The following CRISPLD2 variants were observed in gnomAD, a reference collection of about 807,000 sequenced individuals.
CRISPLD2 encodes cysteine rich secretory protein LCCL domain containing 2, also known as cysteine-rich secretory protein LCCL domain-containing 2.
CRISPLD2 carries 47 observed loss-of-function variants against 71.1 expected under a neutral mutation model. The ratio of observed to expected loss-of-function variants is 0.66; its 90% CI spans 0.52 to 0.84. The LOEUF (loss-of-function observed/expected upper bound fraction) is 0.84. CRISPLD2 is among the 40% of genes least tolerant of loss of function. The pLI, the probability that CRISPLD2 is intolerant of heterozygous loss-of-function variation, is 0.00. For synonymous variants in CRISPLD2, 317 were observed against 250.1 expected (o/e 1.27, Z -2.52); for missense variants, 830 against 651.1 (o/e 1.27, Z -2.99).
In CRISPLD2 at chr16:84,868,867, T is replaced by G; in HGVS notation, c.870T>G (p.Cys290Trp). 6.2e-7 allele frequency: 1 copy of G among 1,611,852 alleles called. No homozygotes were observed. ...CTCTCCTAGCCCAAGTCGTCAGATG[T>G]GACACCAAGATGAAGGACAGGTGCA... Reference protein sequence around the residue: ...AVNYMTQVVRCDTKMKDRCKG... With the variant: ...AVNYMTQVVRWDTKMKDRCKG... Residue 290 changes from cysteine (C) to tryptophan (W), a missense_variant, in exon 8 of 15, where the codon TGT (cysteine) becomes TGG (tryptophan). Coordinates refer to ENST00000262424, the MANE Select transcript of CRISPLD2 (RefSeq NM_031476.4).
In CRISPLD2 at chr16:84,889,303, T is replaced by C; in HGVS notation, c.1379T>C (p.Met460Thr). 6.2e-7 allele frequency: 1 copy of C among 1,614,116 alleles called. No homozygotes were observed. Among genetic ancestry groups the C allele is most frequent in the Non-Finnish European group, 8.5e-7 (1 of 1,180,008 alleles). Residue 460 changes from methionine to threonine, a missense_variant, in exon 14 of 15, where the codon ATG becomes ACG. Physicochemically the swap from Met to Thr is moderately conservative, Grantham distance 81 (BLOSUM62 -1). Coordinates refer to ENST00000262424, the MANE Select transcript of CRISPLD2 (RefSeq NM_031476.4). ...SNESGGDVDV[M>T]PVDKKKTYVG... ...GAGAGTGGGGGTGACGTGGACGTGA[T>C]GCCCGTGGATAAAAAGAAGACCTAC...
chr16:84,875,347 C>A (rs1397076185), intron 11 of CRISPLD2, among the ~76,000 whole-genome samples: 8 of 151,298 alleles, frequency 5.3e-5, no homozygotes, highest in Non-Finnish European at 1.2e-4. Flanking sequence ...TGCATGTAGC[C>A]CAGGACGACT....
At chr16:84,836,170 T>G (rs1916612658) in intron 1 of CRISPLD2, 1 of 152,220 alleles carries the variant, frequency 6.6e-6, no homozygotes. Flanking sequence ...ACAAATTTTG[T>G]GTTTAGATTG....
chr16:84,851,417 G>T (rs568991104), intron 5 of CRISPLD2, among the ~76,000 whole-genome samples: 1 of 152,334 alleles, frequency 6.6e-6, no homozygotes, highest in African/African-American at 2.4e-5. Flanking sequence ...CTGGCCGCTG[G>T]CCACCGCCGT....
chr16:84,838,491 G>T lies in CRISPLD2; in HGVS notation c.-5G>T. On this transcript the variant is annotated 5_prime_UTR_variant, in exon 2 of 15. Transcript: ENST00000262424. ...GAGTCCCATAGTTGCTGCAGGAGTG[G>T]AGCCATGAGCTGCGTCCTGGGTGGT... 6 of 1,612,154 alleles carry T rather than the reference G, an allele frequency of 3.7e-6. No individual in the cohort carries two copies. Among genetic ancestry groups the T allele is most frequent in the Non-Finnish European group, 5.1e-6 (6 of 1,178,576 alleles).
In CRISPLD2 at chr16:84,880,539, A is replaced by C. The variant is rs901944530; in HGVS notation, c.1260A>C (p.Glu420Asp). ...ATTGTCCGGCACACTGCAAAGACGA[A>C]CCTTCCTACTGGGCTCCGGTGTTTG... is the stretch of plus-strand genomic sequence containing the variant. ...RIHCPAHCKDEPSYWAPVFGT... is the reference protein window; with the variant it reads ...RIHCPAHCKDDPSYWAPVFGT... The change falls in exon 13 of 15, where the codon GAA becomes GAC. Residue 420 changes from glutamate to aspartate, a missense_variant. Glu to Asp is a conservative substitution (Grantham distance 45). Coordinates refer to ENST00000262424, the MANE Select transcript of CRISPLD2 (RefSeq NM_031476.4). The C allele has an allele frequency of 6.2e-7, 1 of 1,613,710 alleles. No individual in the cohort carries two copies. Among genetic ancestry groups the C allele is most frequent in the Non-Finnish European group, 8.5e-7 (1 of 1,179,766 alleles).
intron 14 of CRISPLD2, among the ~76,000 whole-genome samples, chr16:84,889,754 G>GTA (rs749006404): frequency 8.3e-6 from 1 of 120,136 alleles, no homozygotes; most frequent in East Asian, 2.5e-4. Flanking sequence ...GTTTTTCTTT[G>GTA]TGTGTGTGTG....
chr16:84,826,465 C>T (rs1327196671), intron 1 of CRISPLD2, among the ~76,000 whole-genome samples: 7 of 152,226 alleles, frequency 4.6e-5, no homozygotes. Context: ...CAGCTACGCA[C>T]ATTTACTTAT....
intron 1 of CRISPLD2, among the ~76,000 whole-genome samples, chr16:84,826,590 G>T (rs1255456231): frequency 6.6e-6 from 1 of 151,808 alleles, no homozygotes; most frequent in Non-Finnish European, 1.5e-5. Flanking sequence ...CACACAGCCA[G>T]TCCGTTCGCC....
At chr16:84,868,474 C>G (rs1917602768) in intron 7 of CRISPLD2, among the ~76,000 whole-genome samples, 1 of 152,332 alleles carries the variant, frequency 6.6e-6, no homozygotes, top group South Asian at 2.1e-4. Flanking sequence ...TCTCAGGAGT[C>G]CTGCCCTGCA....
chr16:84,902,771 G>GTTTTT (rs1309382593), intron 14 of CRISPLD2, among the ~76,000 whole-genome samples: 2 of 95,662 alleles, frequency 2.1e-5, no homozygotes, highest in African/African-American at 1.1e-4. Context: ...TCGGCCCATT[G>GTTTTT]CTTTTTTTTT....
At chr16:84,898,349 C>G (rs753106028) in intron 14 of CRISPLD2, among the ~76,000 whole-genome samples, 3 of 152,216 alleles carry the variant, frequency 2.0e-5, no homozygotes, top group Non-Finnish European at 2.9e-5. Flanking sequence ...AAGGCCGCAG[C>G]TGCTTCGGCC....
chr16:84,852,223 A>G (rs2143221391), intron 5 of CRISPLD2, among the ~76,000 whole-genome samples: 1 of 152,338 alleles, frequency 6.6e-6, no homozygotes, highest in South Asian at 2.1e-4. Flanking sequence ...GTACAGTCAC[A>G]TTGTGGGTGA....
intron 3 of CRISPLD2, among the ~76,000 whole-genome samples, chr16:84,847,578 G>A (rs897577059): frequency 6.6e-6 from 1 of 151,980 alleles, no homozygotes; most frequent in African/African-American, 2.4e-5. Context: ...TTGAACCCTG[G>A]AGGCGGAGGC....
chr16:84,826,043 A>G (rs1916343850), intron 1 of CRISPLD2, among the ~76,000 whole-genome samples: 1 of 152,106 alleles, frequency 6.6e-6, no homozygotes, highest in South Asian at 2.1e-4. Context: ...GACCTGGATC[A>G]GAAGCTGTGG....
chr16:84,882,014 T>G (rs987420883), intron 13 of CRISPLD2, among the ~76,000 whole-genome samples: 1 of 152,162 alleles, frequency 6.6e-6, no homozygotes, highest in African/African-American at 2.4e-5. Flanking sequence ...TCAGCTAAAA[T>G]TGAGTTATAA....
intron 10 of CRISPLD2, 77 bp downstream of exon 10, chr16:84,873,199 C>T (rs2071487255): frequency 1.3e-5 from 20 of 1,542,410 alleles, no homozygotes; most frequent in Non-Finnish European, 1.7e-5. Context: ...TGAAAAATAC[C>T]ACACAGGCCG....
intron 1 of CRISPLD2, among the ~76,000 whole-genome samples, chr16:84,829,680 CCAGGA>C (rs745912316): frequency 1.3e-5 from 2 of 152,216 alleles, no homozygotes; most frequent in Non-Finnish European, 2.9e-5. Context: ...CGTGGACGAC[CCAGGA>C]CTGGTAAGTG....
At chr16:84,880,800 G>A (rs2143316966) in intron 13 of CRISPLD2, 1 of 376,490 alleles carries the variant, frequency 2.7e-6, no homozygotes, top group African/African-American at 2.0e-5. Context: ...CTGCCTCCCA[G>A]GTTCAAACGA....
Sources: allele counts gnomAD v4.1 joint callset (sites outside exome capture counted in the v4.1 genomes callset), GRCh38; gene constraint gnomAD v4.1.1; transcripts MANE v1.5; gene names NCBI Gene and HGNC (gene_info 2026-07-23, HGNC 2026-07-21).